Variants in DNAH9 observed in about 807,000 individuals in gnomAD.
DNAH9 encodes the protein dynein axonemal heavy chain 9.
Under a neutral mutation model 471.6 loss-of-function variants are expected in DNAH9, and 345 were observed. That is an observed-to-expected ratio of 0.73 (90% confidence interval 0.67 to 0.80). DNAH9 has a LOEUF of 0.80. Ranked by LOEUF, DNAH9 falls within the 30% of genes least tolerant of loss-of-function variation. The probability of loss-of-function intolerance (pLI) is 0.00; values close to 1 mark genes in which losing one functional copy is unlikely to be tolerated. For synonymous variants in DNAH9, 2,093 were observed against 2,123.6 expected, an observed-to-expected ratio of 0.99 and a Z score of 0.40; for missense variants, 5,407 against 5,609.2, an observed-to-expected ratio of 0.96 and a Z score of 1.15.
intron 36 of DNAH9, among the ~76,000 whole-genome samples, chr17:11,764,481 A>G (rs1424480446): frequency 2.0e-5 from 3 of 152,156 alleles, no homozygotes; most frequent in Non-Finnish European, 4.4e-5. Context: ...GAACTTAATC[A>G]TTTTTATAAC....
intron 1 of DNAH9, among the ~76,000 whole-genome samples, chr17:11,607,273 T>A (rs1042791623): frequency 6.6e-6 from 1 of 152,144 alleles, no homozygotes; most frequent in African/African-American, 2.4e-5. Flanking sequence ...ACACCCAACA[T>A]AGGACAGACA....
At chr17:11,748,033 A>G (rs1260835173) in intron 32 of DNAH9, among the ~76,000 whole-genome samples, 1 of 151,652 alleles carries the variant, frequency 6.6e-6, no homozygotes, top group Non-Finnish European at 1.5e-5. Flanking sequence ...GGCTGGGCAC[A>G]GTGGCTCACG....
chr17:11,871,657 G>T lies in DNAH9; in HGVS notation c.10113G>T (p.Gln3371His), dbSNP rs1031886310. 1.2e-6 allele frequency: 2 copies of T among 1,614,080 alleles called. No individual in the cohort carries two copies. The highest frequency in any genetic ancestry group is 2.2e-5 in the East Asian group (1 of 44,894). The change falls in exon 52 of 69, where the codon CAG becomes CAT. Residue 3371 changes from glutamine (Q) to histidine (H), a missense_variant. This residue lies in a region of DNAH9 where 4,636 missense variants were observed against 4,900.3 expected (regional missense o/e 0.95). Transcript: ENST00000262442. Reference sequence around the variant, plus strand: ...CAGATGCCGTGCAGAACTTCAAACAGCAGGAAAGGACGTTATGTGGAGACA... The same window carrying T: ...CAGATGCCGTGCAGAACTTCAAACATCAGGAAAGGACGTTATGTGGAGACA... ...RWADAVQNFK[Q>H]QERTLCGDIL...
chr17:11,689,312 T>C (rs2074292535), intron 19 of DNAH9, among the ~76,000 whole-genome samples: 1 of 151,258 alleles, frequency 6.6e-6, no homozygotes, highest in Admixed American at 6.6e-5. Flanking sequence ...AAGCATAATG[T>C]TCTTGAATTG....
chr17:11,911,857 C>T (rs942859672), intron 61 of DNAH9, among the ~76,000 whole-genome samples: 6 of 152,016 alleles, frequency 3.9e-5, no homozygotes, highest in Non-Finnish European at 8.8e-5. Context: ...GAATTGTTTC[C>T]TTAATTTCAG....
chr17:11,704,928 A>C, intron 25 of DNAH9, 97 bp from the exon 26 acceptor site: 1 of 953,410 alleles, frequency 1.0e-6, no homozygotes. Context: ...CTTTAGCAGC[A>C]GTCAACAGCC....
chr17:11,798,956 C>CTCCTTG (rs1567810120), intron 43 of DNAH9, among the ~76,000 whole-genome samples: 7 of 152,150 alleles, frequency 4.6e-5, no homozygotes, highest in African/African-American at 1.7e-4. Context: ...GCCTTTCCTA[C>CTCCTTG]TCATTCTTCC....
In DNAH9 at chr17:11,623,903, C is replaced by T. The variant is rs751457552; in HGVS notation, c.1350+4122C>T. ...GATGTGAGTTGCTTTTTTATTCTTT[C>T]ACTCTTTTTGCACAAGAGAATTTTG... On this transcript the variant is annotated intron_variant, in intron 6 of 68. Transcript: ENST00000262442. The surrounding 1 kb of genome is among the most constrained non-coding windows in gnomAD (Gnocchi z 4.1). Among the ~76,000 whole-genome samples, 29 of 152,128 alleles carry T rather than the reference C, an allele frequency of 1.9e-4. No homozygotes were observed. Among genetic ancestry groups the T allele is most frequent in the Non-Finnish European group, 4.0e-4 (27 of 68,016 alleles).
chr17:11,634,277 T>C (rs968360318), intron 8 of DNAH9, among the ~76,000 whole-genome samples: 2 of 152,166 alleles, frequency 1.3e-5, no homozygotes, highest in African/African-American at 4.8e-5. Flanking sequence ...AACAAGAAAC[T>C]AAAACCCTTC....
At chr17:11,847,932 C>T (rs116418854) in intron 49 of DNAH9, among the ~76,000 whole-genome samples, 2,907 of 152,218 alleles carry the variant, frequency 0.019, 91 homozygotes, top group African/African-American at 0.065. Context: ...CCTCCACTAA[C>T]GGTTACAGCT....
chr17:11,646,025 G>A (rs1015666747), intron 11 of DNAH9, among the ~76,000 whole-genome samples: 6 of 151,624 alleles, frequency 4.0e-5, no homozygotes, highest in Non-Finnish European at 8.8e-5. Context: ...GACTACAGGT[G>A]CCCACCACCA....
intron 27 of DNAH9, among the ~76,000 whole-genome samples, chr17:11,721,554 G>A (rs1257859657): frequency 6.6e-6 from 1 of 152,044 alleles, no homozygotes; most frequent in African/African-American, 2.4e-5. Context: ...ATTGAGTATT[G>A]CCTTTCCTCA....
At chr17:11,948,646 A>G (rs1311645660) in intron 67 of DNAH9, among the ~76,000 whole-genome samples, 2 of 152,146 alleles carry the variant, frequency 1.3e-5, no homozygotes, top group African/African-American at 4.8e-5. Context: ...CCTGGCCTCT[A>G]TGCCTTTGGC....
chr17:11,855,584 C>A (rs1340430072), intron 50 of DNAH9, among the ~76,000 whole-genome samples: 1 of 152,164 alleles, frequency 6.6e-6, no homozygotes, highest in Admixed American at 6.5e-5. Flanking sequence ...AATCTATAAT[C>A]AGAGAAATAA....
At chr17:11,902,097 T>A (rs58055131) in intron 59 of DNAH9, among the ~76,000 whole-genome samples, 4,446 of 152,166 alleles carry the variant, frequency 0.029, 227 homozygotes, top group African/African-American at 0.1. Flanking sequence ...TGGGAATGAG[T>A]CAGGCACATT....
At chr17:11,751,319 A>C (rs537459609) in intron 32 of DNAH9, among the ~76,000 whole-genome samples, 4 of 152,064 alleles carry the variant, frequency 2.6e-5, no homozygotes, top group South Asian at 2.1e-4. Context: ...AGCCAAAAAA[A>C]CCCAATGTTA....
chr17:11,705,036 C>G lies in DNAH9; in HGVS notation c.5403C>G (p.Ala1801=), dbSNP rs1275473180. The G allele has an allele frequency of 8.7e-6, 14 of 1,614,138 alleles. No individual in the cohort carries two copies. The highest frequency in any genetic ancestry group is 1.3e-5 in the African/African-American group (1 of 75,056). The part of the protein sequence containing the change: ...AKMIAQKVDN[A]QAFLWLSQLR... ...CACTCTCTCTTTAGGTAGACAATGC[C>G]CAGGCTTTCCTCTGGCTGTCTCAGC... The change falls in exon 26 of 69, where the codon GCC becomes GCG. Residue 1801 remains alanine, a synonymous_variant. Coordinates refer to ENST00000262442, the MANE Select transcript of DNAH9 (RefSeq NM_001372.4).
intron 59 of DNAH9, among the ~76,000 whole-genome samples, chr17:11,896,766 T>TAAGTAAA: frequency 6.6e-6 from 1 of 152,304 alleles, no homozygotes; most frequent in African/African-American, 2.4e-5. Flanking sequence ...ATTTTAAATT[T>TAAGTAAA]TCTATAGCTG....
At chr17:11,610,265 A>G in intron 2 of DNAH9, 131 bp from the exon 3 acceptor site, 3 of 678,050 alleles carry the variant, frequency 4.4e-6, no homozygotes, top group East Asian at 5.7e-5. Flanking sequence ...TTAAGAATGC[A>G]TGGGCTAGAT....
Sources: allele counts gnomAD v4.1 joint callset (sites outside exome capture counted in the v4.1 genomes callset), GRCh38; gene constraint gnomAD v4.1.1; regional missense constraint gnomAD v4.1.1; non-coding constraint Gnocchi (gnomAD v3.1); transcripts MANE v1.5; gene names NCBI Gene and HGNC (gene_info 2026-07-23, HGNC 2026-07-21).